SYTL5: variants seen among roughly 807,000 people sequenced by gnomAD.
SYTL5 encodes synaptotagmin-like protein 5.
SYTL5 carries 34 observed loss-of-function variants against 55.9 expected under a neutral mutation model. That is an observed-to-expected ratio of 0.61 (90% CI 0.46 to 0.81). The LOEUF is 0.81. Among genes scored for constraint, SYTL5 ranks in the 30% least tolerant of loss-of-function variants. SYTL5 has a pLI of 0.00. For synonymous variants in SYTL5, 221 were observed against 188.7 expected (o/e 1.17, Z -1.40); for missense variants, 637 against 546.7 (o/e 1.17, Z -1.65).
Position 38,054,371 on chromosome X carries a change from G to C in SYTL5, c.278G>C (p.Arg93Pro). The change falls in exon 3 of 17, where the codon CGA becomes CCA. Residue 93 changes from arginine to proline, a missense_variant. Physicochemically the swap from Arg to Pro is moderately radical, Grantham distance 103 (BLOSUM62 -2). Coordinates refer to ENST00000297875, the MANE Select transcript of SYTL5 (RefSeq NM_138780.3). The part of the protein sequence containing the change: ...ACSLRVCREC[R>P]VAGPNGSWKC... ...TCACTGAGGGTATGCAGGGAGTGTC[G>C]AGTTGCAGGCCCCAATGGCAGCTGG... The C allele has an allele frequency of 2.6e-5, 31 of 1,211,651 alleles. No homozygotes were observed. Among genetic ancestry groups the C allele is most frequent in the Non-Finnish European group, 3.5e-5 (31 of 895,405 alleles).
chrX:38,022,919 T>A (rs1235658020), intron 1 of SYTL5, among the ~76,000 whole-genome samples: 1 of 111,707 alleles, frequency 9.0e-6, no homozygotes, highest in Non-Finnish European at 1.9e-5. Flanking sequence ...AGGAAGATTA[T>A]GGCTTTTTTA....
At chrX:37,994,732 T>C in the SYTL5 span, 3 of 109,001 alleles carry the variant, frequency 2.8e-5, no homozygotes, top group African/African-American at 1.0e-4. Context: ...ATGGTGGTGC[T>C]GGTGGTGATG....
chrX:38,084,840 G>T (rs1207973801), intron 6 of SYTL5, among the ~76,000 whole-genome samples: 1 of 111,433 alleles, frequency 9.0e-6, no homozygotes. Flanking sequence ...GAATGAATGG[G>T]CTGCCTGAAT....
the SYTL5 span, among the ~76,000 whole-genome samples, chrX:37,954,609 A>G: frequency 3.6e-5 from 4 of 112,284 alleles, no homozygotes; most frequent in African/African-American, 1.3e-4. Context: ...TTTGCTTTCA[A>G]TTTCTGTTGT....
the SYTL5 span, among the ~76,000 whole-genome samples, chrX:37,946,941 C>T: frequency 9.0e-6 from 1 of 111,286 alleles, no homozygotes; most frequent in South Asian, 3.8e-4. Context: ...TTCTACTTTA[C>T]ACACAGATTC....
intron 6 of SYTL5, among the ~76,000 whole-genome samples, chrX:38,088,967 A>T (rs1212736700): frequency 3.6e-5 from 4 of 112,574 alleles, no homozygotes; most frequent in Non-Finnish European, 5.6e-5. Context: ...ATAGGAATTG[A>T]GTGGAACAGA....
chrX:37,900,755 G>A, the SYTL5 span, among the ~76,000 whole-genome samples: 1 of 111,059 alleles, frequency 9.0e-6, no homozygotes, highest in East Asian at 2.8e-4. Context: ...CTTGGATCAT[G>A]TGTCCATCTC....
At chrX:38,089,334 A>G in intron 6 of SYTL5, 112 bp from the exon 7 acceptor site, 1 of 864,287 alleles carries the variant, frequency 1.2e-6, no homozygotes, top group Non-Finnish European at 1.6e-6. Context: ...ACTCTTGTGA[A>G]CTCAGTGCGG....
chrX:37,988,912 A>T, the SYTL5 span, among the ~76,000 whole-genome samples: 1 of 112,180 alleles, frequency 8.9e-6, no homozygotes, highest in African/African-American at 3.2e-5. Flanking sequence ...GATTAAAGGA[A>T]TGGCCTGTTT....
chrX:37,972,296 A>G, the SYTL5 span, among the ~76,000 whole-genome samples: 6 of 111,844 alleles, frequency 5.4e-5, no homozygotes, highest in East Asian at 1.7e-3. Context: ...AGAAAAAGCA[A>G]TAGAGAATTC....
the SYTL5 span, among the ~76,000 whole-genome samples, chrX:37,910,842 G>A: frequency 1.8e-5 from 2 of 112,002 alleles, no homozygotes; most frequent in South Asian, 3.7e-4. Context: ...TGCTGCTGGT[G>A]TAGGGATGAT....
At position 38,128,219 on chromosome X, in the gene SYTL5, C is replaced by A. The variant is rs765686364; in HGVS notation, c.*1489C>A. On this transcript the variant is annotated 3_prime_UTR_variant, in exon 17 of 17. Transcript: ENST00000297875. ...TTTCAGAGAGCTGAGATAACTTGCC[C>A]AAGGCCATATAGAGGCTGTGACTAA... 2.7e-5 allele frequency: 3 copies of A among 112,281 alleles called. No individual in the cohort carries two copies. Among genetic ancestry groups the A allele is most frequent in the Non-Finnish European group, 5.6e-5 (3 of 53,259 alleles). 9.3% of individuals were successfully genotyped at this position (112,281 alleles called of 1,213,427 possible).
chrX:37,966,373 A>T, the SYTL5 span, among the ~76,000 whole-genome samples: 1 of 110,363 alleles, frequency 9.1e-6, no homozygotes, highest in Non-Finnish European at 1.9e-5. Context: ...CACGTACAAA[A>T]ACTGCATTTT....
chrX:38,116,363 T>C (rs1031838031), intron 13 of SYTL5, among the ~76,000 whole-genome samples: 1 of 112,482 alleles, frequency 8.9e-6, no homozygotes, highest in African/African-American at 3.2e-5. Context: ...AACATTTATT[T>C]TTAACTTAAA....
At chrX:38,013,290 A>G (rs1934245864) in intron 1 of SYTL5, among the ~76,000 whole-genome samples, 1 of 112,409 alleles carries the variant, frequency 8.9e-6, no homozygotes, top group Non-Finnish European at 1.9e-5. Context: ...TAATAGTCAT[A>G]TGTATGGCTT....
At chrX:38,032,540 G>A (rs73632429) in intron 1 of SYTL5, among the ~76,000 whole-genome samples, 1 of 111,172 alleles carries the variant, frequency 9.0e-6, no homozygotes, top group African/African-American at 3.3e-5. Flanking sequence ...CATTGAAGCC[G>A]CTGTGTTCTC....
the SYTL5 span, among the ~76,000 whole-genome samples, chrX:37,921,264 G>A: frequency 8.3e-3 from 926 of 111,575 alleles, 7 homozygotes; most frequent in African/African-American, 0.028. Flanking sequence ...ACGGCTCCCA[G>A]GTCTGTGCTG....
the SYTL5 span, among the ~76,000 whole-genome samples, chrX:37,992,421 C>T: frequency 8.8e-6 from 1 of 113,051 alleles, no homozygotes; most frequent in African/African-American, 3.2e-5. Context: ...ATGGGAGCTG[C>T]GGGCCTGGGT....
At chrX:37,901,978 G>T in the SYTL5 span, among the ~76,000 whole-genome samples, 1 of 112,071 alleles carries the variant, frequency 8.9e-6, no homozygotes, top group African/African-American at 3.2e-5. Flanking sequence ...AATATCTTCT[G>T]CTATAACACA....
Sources: allele counts gnomAD v4.1 joint callset (sites outside exome capture counted in the v4.1 genomes callset), GRCh38; gene constraint gnomAD v4.1.1; transcripts MANE v1.5; gene names NCBI Gene and HGNC (gene_info 2026-07-23, HGNC 2026-07-21).